Variants in GNAL observed in about 807,000 individuals in gnomAD.
The protein encoded by GNAL is guanine nucleotide-binding protein G(olf) subunit alpha.
A neutral mutation model predicts 55.1 loss-of-function variants in GNAL; 18 were observed. The observed-to-expected ratio is 0.33, with a 90% CI of 0.23 to 0.48. The LOEUF (loss-of-function observed/expected upper bound fraction) is 0.48. Among genes scored for constraint, GNAL ranks in the 20% least tolerant of loss-of-function variants. GNAL has a pLI of 0.99. For missense variants in GNAL, 412 were observed against 614.1 expected, an observed-to-expected ratio of 0.67 and a Z score of 3.48; for synonymous variants, 253 against 237.0, an observed-to-expected ratio of 1.07 and a Z score of -0.62.
rs113066080 is a variant in GNAL, at chr18:11,881,516, AG to A, written c.*382del. 0.8 allele frequency: 131,444 copies of A among 164,824 alleles called. 53,521 individuals carry two copies. The highest frequency in any genetic ancestry group is 0.93 in the African/African-American group (39,120 of 42,012). The allele number at this position is 164,824 out of a possible 1,614,324, so 10.2% of individuals were successfully genotyped here. A position where few individuals can be genotyped will look rare whatever the true frequency, so the allele number is the denominator to read the frequency against. ...ACCGTGACTGCAAGAGCGTTCGTGC[AG>A]TGCCCTGAGCCACGGCCGTCTCTGA... On this transcript the variant is annotated 3_prime_UTR_variant, in exon 12 of 12. Transcript: ENST00000334049. The surrounding 1 kb of genome is among the most constrained non-coding windows in gnomAD (Gnocchi z 4.8).
chr18:11,884,264 T>C lies in GNAL; in HGVS notation c.*3129T>C. 2 of 607,418 alleles carry C rather than the reference T, an allele frequency of 3.3e-6. No homozygotes were observed. Among genetic ancestry groups the C allele is most frequent in the Non-Finnish European group, 5.8e-6 (2 of 346,822 alleles). 37.6% of individuals were successfully genotyped at this position (607,418 alleles called of 1,614,324 possible). ...TTGTTGTAGAGTACCTGTCCACTTT[T>C]ATAGCATGAGAACAGTACAATCAAC... On this transcript the variant is annotated 3_prime_UTR_variant, in exon 12 of 12. Coordinates refer to ENST00000334049, the MANE Select transcript of GNAL (RefSeq NM_182978.4).
intron 11 of GNAL, among the ~76,000 whole-genome samples, chr18:11,879,508 G>A (rs190785648): frequency 1.4e-4 from 21 of 152,232 alleles, no homozygotes; most frequent in South Asian, 4.1e-4. Context: ...GTCTTCCCTC[G>A]CACATGGCTG....
At chr18:11,839,593 A>G (rs1455727406) in intron 5 of GNAL, among the ~76,000 whole-genome samples, 1 of 150,884 alleles carries the variant, frequency 6.6e-6, no homozygotes, top group Admixed American at 6.6e-5. Flanking sequence ...AAGCTCAGAT[A>G]GACGTAAGCA....
In GNAL at chr18:11,765,465, A is replaced by C. The variant is rs575076774; in HGVS notation, c.624+11520A>C. 7.2e-5 allele frequency among the ~76,000 whole-genome samples: 11 copies of C among 152,342 alleles called. No homozygotes were observed. The East Asian group carries it at 2.1e-3, about 29-fold the overall frequency. On this transcript the variant is annotated intron_variant, in intron 4 of 11. Coordinates refer to ENST00000334049, the MANE Select transcript of GNAL (RefSeq NM_182978.4). Reference sequence around the variant, plus strand: ...GGTATTTTGAAATATACAATAAATTATTAAGTTACAGTTGCCCCATGGTGC... The same window carrying C: ...GGTATTTTGAAATATACAATAAATTCTTAAGTTACAGTTGCCCCATGGTGC...
At chr18:11,796,603 C>G (rs1028803296) in intron 4 of GNAL, among the ~76,000 whole-genome samples, 12 of 116,036 alleles carry the variant, frequency 1.0e-4, no homozygotes, top group Non-Finnish European at 2.0e-4. Context: ...AAACAAAACA[C>G]GCAACCTTTC....
intron 1 of GNAL, among the ~76,000 whole-genome samples, chr18:11,702,578 C>T (rs546676048): frequency 2.0e-5 from 3 of 152,296 alleles, no homozygotes; most frequent in South Asian, 4.1e-4. Flanking sequence ...TTCAGTAGCA[C>T]GTCTACCACG....
intron 4 of GNAL, among the ~76,000 whole-genome samples, chr18:11,792,834 T>A (rs541995762): frequency 1.3e-5 from 2 of 152,360 alleles, no homozygotes; most frequent in Non-Finnish European, 1.5e-5. Flanking sequence ...GACATGGTGA[T>A]GCAACTTCCA....
chr18:11,884,427 T>A lies in GNAL; in HGVS notation c.*3292T>A. 1 of 1,609,292 alleles carries A rather than the reference T, an allele frequency of 6.2e-7. No homozygotes were observed. Among genetic ancestry groups the A allele is most frequent in the Non-Finnish European group, 8.5e-7 (1 of 1,176,770 alleles). On this transcript the variant is annotated 3_prime_UTR_variant, in exon 12 of 12. Transcript: ENST00000334049. ...GTTCCATTTCTTGGGCTTTGATATT[T>A]ATAATGGCGCCTGCTCTTCATCTTG...
chr18:11,740,572 T>C (rs2032555553), intron 1 of GNAL, among the ~76,000 whole-genome samples: 1 of 152,194 alleles, frequency 6.6e-6, no homozygotes, highest in Admixed American at 6.5e-5. Flanking sequence ...AATCATGAGC[T>C]CATACCAATT....
intron 4 of GNAL, among the ~76,000 whole-genome samples, chr18:11,815,211 T>A (rs1275381492): frequency 6.6e-6 from 1 of 152,220 alleles, no homozygotes; most frequent in Non-Finnish European, 1.5e-5. Context: ...ATGTATATAC[T>A]CATTGAAGCA....
intron 10 of GNAL, among the ~76,000 whole-genome samples, chr18:11,873,566 A>C (rs1404778642): frequency 6.6e-6 from 1 of 152,224 alleles, no homozygotes; most frequent in Non-Finnish European, 1.5e-5. Context: ...CACCCGCCAG[A>C]GGGTCACTCA....
At chr18:11,813,312 T>C (rs1057453947) in intron 4 of GNAL, among the ~76,000 whole-genome samples, 5 of 151,890 alleles carry the variant, frequency 3.3e-5, no homozygotes, top group Admixed American at 2.6e-4. Flanking sequence ...TGTTCATGGA[T>C]TACACAACCA....
chr18:11,739,332 G>C (rs1398397358), intron 1 of GNAL, among the ~76,000 whole-genome samples: 2 of 152,184 alleles, frequency 1.3e-5, no homozygotes, highest in African/African-American at 4.8e-5. Context: ...TGGAGGTGTA[G>C]ACAGGTGAAT....
chr18:11,717,946 A>G (rs2032012576), intron 1 of GNAL, among the ~76,000 whole-genome samples: 1 of 152,272 alleles, frequency 6.6e-6, no homozygotes. Context: ...AAATGTTAAG[A>G]AAAAAAAGAA....
At chr18:11,802,141 A>G (rs2034537329) in intron 4 of GNAL, among the ~76,000 whole-genome samples, 1 of 152,166 alleles carries the variant, frequency 6.6e-6, no homozygotes, top group Admixed American at 6.5e-5. Flanking sequence ...TTTAGAGTCA[A>G]GTTAGCAAAA....
chr18:11,702,291 C>T (rs1948662648), intron 1 of GNAL: 1 of 152,250 alleles, frequency 6.6e-6, no homozygotes, highest in Admixed American at 6.5e-5. Context: ...AAGAGTGGCA[C>T]CAGGGAGGAA....
intron 4 of GNAL, among the ~76,000 whole-genome samples, chr18:11,764,015 T>C (rs1466137649): frequency 6.6e-6 from 1 of 152,238 alleles, no homozygotes; most frequent in Non-Finnish European, 1.5e-5. Context: ...TAAGGTGGGG[T>C]CTGCTTCTAT....
intron 10 of GNAL, among the ~76,000 whole-genome samples, chr18:11,874,774 C>T (rs1207121360): frequency 6.7e-6 from 1 of 150,270 alleles, no homozygotes; most frequent in Admixed American, 6.6e-5. Flanking sequence ...AGAACACAGC[C>T]CAGGCAGAGA....
intron 1 of GNAL, among the ~76,000 whole-genome samples, chr18:11,706,600 G>T (rs779850754): frequency 1.3e-4 from 20 of 152,152 alleles, no homozygotes; most frequent in Non-Finnish European, 2.1e-4. Context: ...CAAAATTGGG[G>T]TCAGTCCTCT....
Sources: gnomAD v4.1 joint callset for allele counts (sites outside exome capture counted in the v4.1 genomes callset) on GRCh38, gnomAD v4.1.1 for gene constraint, Gnocchi (gnomAD v3.1) non-coding constraint, MANE v1.5 for transcripts, NCBI Gene and HGNC (gene_info 2026-07-23, HGNC 2026-07-21) for gene names.